STARD9: variants seen among roughly 807,000 people sequenced by gnomAD.
STARD9 encodes StAR related lipid transfer domain containing 9.
A neutral mutation model predicts 399.8 loss-of-function variants in STARD9; 346 were observed. The ratio of observed to expected loss-of-function variants is 0.87; its 90% confidence interval spans 0.79 to 0.95. The LOEUF (loss-of-function observed/expected upper bound fraction) is 0.95, where lower values mean the gene tolerates loss of function less well. Among genes scored for constraint, STARD9 ranks in the 40% least tolerant of loss-of-function variants. The pLI, the probability that STARD9 is intolerant of heterozygous loss-of-function variation, is 0.00. For synonymous variants in STARD9, 2,203 were observed against 2,143.5 expected (o/e 1.03, Z -0.77); for missense variants, 5,832 against 5,667.5 (o/e 1.03, Z -0.93).
intron 3 of STARD9, among the ~76,000 whole-genome samples, chr15:42,632,334 G>A: frequency 6.6e-6 from 1 of 152,082 alleles, no homozygotes; most frequent in East Asian, 1.9e-4. Context: ...CTTTATAGGT[G>A]AAATGTGTTT....
rs1039712777 is a variant in STARD9, at chr15:42,691,966, C to T, written c.10388C>T (p.Ser3463Phe). The change falls in exon 23 of 33, where the codon TCC (serine) becomes TTC (phenylalanine). Residue 3463 changes from serine to phenylalanine, a missense_variant. Physicochemically the swap from Ser to Phe is radical, Grantham distance 155. Transcript: ENST00000290607. ...QMDKGMLHFGSSDISPYALPW... is the reference protein window; with the variant it reads ...QMDKGMLHFGFSDISPYALPW... Reference sequence around the variant, plus strand: ...GACAAAGGAATGCTGCACTTTGGCTCCAGTGACATCAGTCCCTATGCGCTG... The same window carrying T: ...GACAAAGGAATGCTGCACTTTGGCTTCAGTGACATCAGTCCCTATGCGCTG... 7 of 1,537,136 alleles carry T rather than the reference C, an allele frequency of 4.6e-6. No homozygotes were observed. In the African/African-American group the frequency reaches 9.6e-5, roughly 21 times the overall value.
chr15:42,575,640 C>A lies in STARD9; in HGVS notation c.-76C>A. On this transcript the variant is annotated 5_prime_UTR_variant, in exon 1 of 33. In the 5' UTR this introduces an upstream ATG that the reference lacks. Coordinates refer to ENST00000290607, the MANE Select transcript of STARD9 (RefSeq NM_020759.3). ...TGGGGCGGGCGGGGCTGGGTTGGGG[C>A]TGTGTCTGGGCTTAGGGCGGGGGCC... The A allele has an allele frequency of 6.8e-7, 1 of 1,477,924 alleles. No homozygotes were observed. 91.6% of individuals were successfully genotyped at this position (1,477,924 alleles called of 1,614,324 possible).
In STARD9 at chr15:42,688,439, G is replaced by A; in HGVS notation, c.6861G>A (p.Gln2287=). ...CTATGCAAAGGGGAGGCAGCCTTCA[G>A]GAAGAAAATAAAGTGACTCAGAAAT... is the stretch of plus-strand genomic sequence containing the variant. ...EMPMQRGGSL[Q]EENKVTQKFP... Residue 2287 remains glutamine (Q), a synonymous_variant, in exon 23 of 33, where the codon CAG becomes CAA. Coordinates refer to ENST00000290607, the MANE Select transcript of STARD9 (RefSeq NM_020759.3). The A allele has an allele frequency of 6.5e-7, 1 of 1,537,746 alleles. No homozygotes were observed. The highest frequency in any genetic ancestry group is 2.4e-5 in the East Asian group (1 of 40,922).
chr15:42,656,233 G>C (rs2059866980), intron 9 of STARD9, among the ~76,000 whole-genome samples: 2 of 145,910 alleles, frequency 1.4e-5, no homozygotes, highest in Non-Finnish European at 3.0e-5. Context: ...TGTAGTCCCA[G>C]CTACTCACGA....
chr15:42,696,620 G>T (rs2140315178), intron 26 of STARD9, among the ~76,000 whole-genome samples: 1 of 152,306 alleles, frequency 6.6e-6, no homozygotes, highest in Middle Eastern at 3.4e-3. Context: ...AAGGAGGCAG[G>T]AGCAGCTGTG....
At chr15:42,641,126 A>G (rs1456712296) in intron 7 of STARD9, among the ~76,000 whole-genome samples, 1 of 152,190 alleles carries the variant, frequency 6.6e-6, no homozygotes, top group Non-Finnish European at 1.5e-5. Context: ...GGAAGGTCAT[A>G]TAGCTTGGGT....
intron 18 of STARD9, 102 bp from the exon 19 acceptor site, chr15:42,675,560 GTT>G: frequency 1.2e-6 from 1 of 843,600 alleles, no homozygotes; most frequent in Non-Finnish European, 1.9e-6. Flanking sequence ...AAAATTATCA[GTT>G]ATCGAGGGCA....
intron 3 of STARD9, among the ~76,000 whole-genome samples, chr15:42,617,956 C>G (rs1000905291): frequency 6.6e-6 from 1 of 151,970 alleles, no homozygotes; most frequent in Non-Finnish European, 1.5e-5. Context: ...TACGGGGTCC[C>G]ACTATCTTAT....
At chr15:42,587,603 G>T (rs2058302958) in intron 3 of STARD9, among the ~76,000 whole-genome samples, 1 of 152,088 alleles carries the variant, frequency 6.6e-6, no homozygotes, top group South Asian at 2.1e-4. Flanking sequence ...TTTCGCTCTT[G>T]TTGCCCAGCC....
chr15:42,708,145 C>T (rs1157657423), intron 26 of STARD9, among the ~76,000 whole-genome samples: 4 of 151,946 alleles, frequency 2.6e-5, no homozygotes, highest in African/African-American at 9.7e-5. Flanking sequence ...ACAGCAAGAC[C>T]CTGTTTCAAA....
intron 3 of STARD9, among the ~76,000 whole-genome samples, chr15:42,604,199 T>C (rs2058685695): frequency 6.6e-6 from 1 of 152,226 alleles, no homozygotes; most frequent in South Asian, 2.1e-4. Context: ...TGTCAGATTT[T>C]TCACTGTCAT....
chr15:42,702,859 C>G (rs1445470983), intron 26 of STARD9, among the ~76,000 whole-genome samples: 1 of 152,214 alleles, frequency 6.6e-6, no homozygotes, highest in Non-Finnish European at 1.5e-5. Flanking sequence ...TCATCCCACT[C>G]CCTCCTAGCC....
At position 42,690,858 on chromosome 15, in the gene STARD9, G is replaced by A; in HGVS notation, c.9280G>A (p.Ala3094Thr). The A allele has an allele frequency of 4.6e-6, 7 of 1,537,212 alleles. No homozygotes were observed. The highest frequency in any genetic ancestry group is 6.1e-6 in the Non-Finnish European group (7 of 1,146,908). Reference protein sequence around the residue: ...VPEKKVAEKQASTELEAASFP... With the variant: ...VPEKKVAEKQTSTELEAASFP... ...TGAGAAAAAGGTTGCTGAGAAGCAA[G>A]CAAGCACAGAACTTGAGGCTGCCTC... The change falls in exon 23 of 33, where the codon GCA becomes ACA. Residue 3094 changes from alanine (A) to threonine (T), a missense_variant. By Grantham distance (58) the Ala-to-Thr change is moderately conservative. Around this residue, in one of 2 missense-constraint regions of STARD9, gnomAD observed 5,828 missense variants for 5,651.1 expected, o/e 1.03. Coordinates refer to ENST00000290607, the MANE Select transcript of STARD9 (RefSeq NM_020759.3).
chr15:42,602,762 C>T (rs1427449456), intron 3 of STARD9, among the ~76,000 whole-genome samples: 2 of 152,326 alleles, frequency 1.3e-5, no homozygotes, highest in Non-Finnish European at 1.5e-5. Flanking sequence ...ACTCGGCCAG[C>T]AATCAGCCTG....
rs772937349 is a variant in STARD9 at position 42,705,789 on chromosome 15, C to T, written c.13284+9909C>T. On this transcript the variant is annotated intron_variant, in intron 26 of 32. Coordinates refer to ENST00000290607, the MANE Select transcript of STARD9 (RefSeq NM_020759.3). Reference sequence around the variant, plus strand: ...ATTTTTTGAGATGGAGTCTCACTCTCTCACTCGGGCTGGAGTGCAGGGGCG... The same window carrying T: ...ATTTTTTGAGATGGAGTCTCACTCTTTCACTCGGGCTGGAGTGCAGGGGCG... Among the ~76,000 whole-genome samples, 6 of 151,506 alleles carry T rather than the reference C, an allele frequency of 4.0e-5. No homozygotes were observed. The East Asian group carries it at 1.2e-3, about 29-fold the overall frequency.
intron 7 of STARD9, among the ~76,000 whole-genome samples, chr15:42,646,665 A>G (rs373477135): frequency 1.3e-5 from 2 of 152,358 alleles, no homozygotes; most frequent in South Asian, 2.1e-4. Flanking sequence ...TCATATCAGC[A>G]AGAAGGCTGT....
At chr15:42,701,685 C>G (rs181546012) in intron 26 of STARD9, among the ~76,000 whole-genome samples, 1 of 152,144 alleles carries the variant, frequency 6.6e-6, no homozygotes, top group Non-Finnish European at 1.5e-5. Flanking sequence ...AGTGCATGAC[C>G]AACAGAAGAT....
chr15:42,630,000 C>CTTTTTTTTTTTTTTTTT (rs1158967224), intron 3 of STARD9: 1 of 124,294 alleles, frequency 8.0e-6, no homozygotes, highest in Non-Finnish European at 1.7e-5. Flanking sequence ...TCTTTTTTTT[C>CTTTTTTTTTTTTTTTTT]TTTTTTTTTT....
intron 1 of STARD9, among the ~76,000 whole-genome samples, chr15:42,580,877 A>C (rs1466044802): frequency 1.3e-5 from 2 of 152,240 alleles, no homozygotes; most frequent in Non-Finnish European, 2.9e-5. Flanking sequence ...TTAGCGCTAC[A>C]GAAATACACC....
Sources: allele counts gnomAD v4.1 joint callset (sites outside exome capture counted in the v4.1 genomes callset), GRCh38; gene constraint gnomAD v4.1.1; regional missense constraint gnomAD v4.1.1; transcripts MANE v1.5; gene names NCBI Gene and HGNC (gene_info 2026-07-23, HGNC 2026-07-21).